Variants in ERI1 observed in about 807,000 individuals in gnomAD.
ERI1 encodes the protein exoribonuclease 1.
In ERI1, 39 loss-of-function variants were observed where a neutral mutation model predicts 39.7. That is an observed-to-expected ratio of 0.98 (90% CI 0.76 to 1.28). ERI1 has a LOEUF of 1.28. Ranked by LOEUF, ERI1 falls within the 50% of genes most tolerant of loss-of-function variation. ERI1 has a pLI of 0.00. For synonymous variants in ERI1, 204 were observed against 149.6 expected (o/e 1.36, Z -2.65); for missense variants, 581 against 416.9 (o/e 1.39, Z -3.43).
chr8:9,010,099 A>G (rs944947867), intron 2 of ERI1, among the ~76,000 whole-genome samples: 10 of 152,268 alleles, frequency 6.6e-5, no homozygotes, highest in Admixed American at 5.2e-4. Flanking sequence ...AATGAGAGCC[A>G]TAGCAGAAAG....
Position 9,029,900 on chromosome 8 carries a change from G to A in ERI1, c.916G>A (p.Ala306Thr). The A allele has an allele frequency of 6.2e-7, 1 of 1,614,186 alleles. No individual in the cohort carries two copies. The highest frequency in any genetic ancestry group is 8.5e-7 in the Non-Finnish European group (1 of 1,180,038). ...TGACTCTAAGAATATCGCCCGAATA[G>A]CAGTTCGAATGCTTCAGGATGGGTG... ...LDDSKNIARI[A>T]VRMLQDGCEL... The change falls in exon 7 of 7, where the codon GCA becomes ACA. Residue 306 changes from alanine (A) to threonine (T), a missense_variant. Transcript: ENST00000250263.
chr8:9,010,857 T>A (rs974812958), intron 2 of ERI1, among the ~76,000 whole-genome samples: 7 of 152,180 alleles, frequency 4.6e-5, no homozygotes, highest in Non-Finnish European at 8.8e-5. Context: ...AAGCTACCTA[T>A]AATATTGAAA....
chr8:9,004,670 T>A (rs1411034177), intron 1 of ERI1, among the ~76,000 whole-genome samples: 2 of 150,082 alleles, frequency 1.3e-5, no homozygotes, highest in Non-Finnish European at 3.0e-5. Context: ...TCTCAAAAAA[T>A]AATAGTAATG....
chr8:9,029,832 A>G lies in ERI1; in HGVS notation c.848A>G (p.Lys283Arg). Residue 283 changes from lysine (K) to arginine (R), a missense_variant, in exon 7 of 7, where the codon AAA becomes AGA. By Grantham distance (26) the Lys-to-Arg change is conservative (BLOSUM62 2). Transcript: ENST00000250263. Reference protein sequence around the residue: ...SQTKLTIMLEKLGMDYDGRPH... With the variant: ...SQTKLTIMLERLGMDYDGRPH... The stretch of plus-strand genomic sequence containing the variant: ...ACCAAACTGACAATAATGCTTGAAA[A>G]ATTAGGAATGGATTATGATGGGCGG... 6.2e-7 allele frequency: 1 copy of G among 1,614,196 alleles called. No homozygotes were observed. Among genetic ancestry groups the G allele is most frequent in the Non-Finnish European group, 8.5e-7 (1 of 1,180,036 alleles).
At position 9,029,991 on chromosome 8, in the gene ERI1, T is replaced by G; in HGVS notation, c.1007T>G (p.Ile336Arg). The G allele has an allele frequency of 6.2e-7, 1 of 1,613,452 alleles. No individual in the cohort carries two copies. The highest frequency in any genetic ancestry group is 1.3e-5 in the African/African-American group (1 of 74,986). The change falls in exon 7 of 7, where the codon ATA becomes AGA. Residue 336 changes from isoleucine to arginine, a missense_variant. Coordinates refer to ENST00000250263, the MANE Select transcript of ERI1 (RefSeq NM_153332.4). ...QLMSVSSSLPIEGTPPPQMPH... is the reference protein window; with the variant it reads ...QLMSVSSSLPREGTPPPQMPH... The stretch of plus-strand genomic sequence containing the variant: ...ATGAGTGTGTCCTCTTCCTTACCAA[T>G]AGAGGGCACTCCACCACCACAAATG...
intron 3 of ERI1, among the ~76,000 whole-genome samples, chr8:9,073,865 T>TA: frequency 6.6e-6 from 1 of 152,300 alleles, no homozygotes; most frequent in South Asian, 2.1e-4. Flanking sequence ...ACTAGCTTCT[T>TA]AAAAAAGTCA....
At chr8:9,061,669 G>A (rs1798701823) in intron 3 of ERI1, among the ~76,000 whole-genome samples, 1 of 152,204 alleles carries the variant, frequency 6.6e-6, no homozygotes, top group Non-Finnish European at 1.5e-5. Flanking sequence ...TGTTTTGTAA[G>A]GGATTGAGGT....
intron 3 of ERI1, among the ~76,000 whole-genome samples, chr8:9,079,592 GT>G (rs1799310841): frequency 6.6e-6 from 1 of 152,218 alleles, no homozygotes; most frequent in Non-Finnish European, 1.5e-5. Context: ...AACTGGAATA[GT>G]TTAGCCGAAG....
At chr8:9,097,765 C>T (rs943724348) in intron 3 of ERI1, among the ~76,000 whole-genome samples, 73 of 150,920 alleles carry the variant, frequency 4.8e-4, no homozygotes, top group African/African-American at 1.7e-3. Context: ...CATAAACAAG[C>T]ACTATATACA....
At chr8:9,037,110 A>T (rs1338995193), downstream of ERI1, among the ~76,000 whole-genome samples, 1 of 152,102 alleles carries the variant, frequency 6.6e-6, no homozygotes, top group Admixed American at 6.5e-5. Flanking sequence ...AACCTTCCTA[A>T]AATGTTGCTT....
intron 3 of ERI1, among the ~76,000 whole-genome samples, chr8:9,078,729 T>C (rs778554372): frequency 2.4e-4 from 36 of 152,152 alleles, no homozygotes; most frequent in Admixed American, 4.6e-4. Context: ...CAGGGTGGGG[T>C]CCAGCAGACT....
intron 3 of ERI1, among the ~76,000 whole-genome samples, chr8:9,071,855 C>A (rs1563372259): frequency 6.6e-6 from 1 of 152,334 alleles, no homozygotes; most frequent in East Asian, 1.9e-4. Flanking sequence ...TGCTTGAATC[C>A]AGGAGTTCAA....
intron 6 of ERI1, among the ~76,000 whole-genome samples, chr8:9,020,764 C>G (rs1347904429): frequency 6.6e-6 from 1 of 152,122 alleles, no homozygotes; most frequent in Non-Finnish European, 1.5e-5. Flanking sequence ...AATTTTACTT[C>G]ACATTTATCA....
intron 3 of ERI1, among the ~76,000 whole-genome samples, chr8:9,048,701 G>T (rs1403445347): frequency 6.6e-6 from 1 of 152,200 alleles, no homozygotes; most frequent in African/African-American, 2.4e-5. Flanking sequence ...CTGGAGTGCA[G>T]TGGTGCAATC....
At chr8:9,052,928 T>A (rs113340381) in intron 3 of ERI1, among the ~76,000 whole-genome samples, 3,190 of 152,296 alleles carry the variant, frequency 0.021, 96 homozygotes, top group South Asian at 0.09. Context: ...GTTGGAACTT[T>A]TGGCTCCACC....
At chr8:9,098,476 C>A (rs768552325) in intron 3 of ERI1, among the ~76,000 whole-genome samples, 1 of 152,178 alleles carries the variant, frequency 6.6e-6, no homozygotes, top group Non-Finnish European at 1.5e-5. Context: ...CGAAATGGCG[C>A]CTTTGCACTC....
chr8:9,042,343 T>A (rs2117349213), intron 3 of ERI1, among the ~76,000 whole-genome samples: 1 of 152,348 alleles, frequency 6.6e-6, no homozygotes, highest in Admixed American at 6.5e-5. Context: ...TCTATTGCCC[T>A]GATCTCTCTT....
chr8:9,007,917 C>G (rs1029780876), intron 1 of ERI1, 53 bp from the exon 2 acceptor site: 24 of 1,503,874 alleles, frequency 1.6e-5, no homozygotes, highest in Admixed American at 2.4e-5. Context: ...GATGTTTGTA[C>G]TAATTATAAA....
At chr8:9,035,178 A>G (rs1797802790), downstream of ERI1, among the ~76,000 whole-genome samples, 1 of 152,222 alleles carries the variant, frequency 6.6e-6, no homozygotes, top group Non-Finnish European at 1.5e-5. Context: ...ATAGCAAGTT[A>G]TCTAGCTAAG....
Sources: gnomAD v4.1 joint callset for allele counts (sites outside exome capture counted in the v4.1 genomes callset) on GRCh38, gnomAD v4.1.1 for gene constraint, MANE v1.5 for transcripts, NCBI Gene and HGNC (gene_info 2026-07-23, HGNC 2026-07-21) for gene names.